Variants in ALPK1 observed in about 807,000 individuals in gnomAD.
ALPK1 encodes the protein alpha-protein kinase 1.
A neutral mutation model predicts 120.6 loss-of-function variants in ALPK1; 110 were observed. The observed-to-expected ratio is 0.91, with a 90% CI of 0.78 to 1.07. The LOEUF (loss-of-function observed/expected upper bound fraction) is 1.07. ALPK1 is among the 50% of genes least tolerant of loss of function. The pLI, the probability that ALPK1 is intolerant of heterozygous loss-of-function variation, is 0.00. For synonymous variants in ALPK1, 582 were observed against 560.3 expected, an observed-to-expected ratio of 1.04 and a Z score of -0.55; for missense variants, 1,498 against 1,483.9, an observed-to-expected ratio of 1.01 and a Z score of -0.16.
chr4:112,346,862 G>A (rs1730125346), intron 2 of ALPK1, among the ~76,000 whole-genome samples: 1 of 152,172 alleles, frequency 6.6e-6, no homozygotes, highest in African/African-American at 2.4e-5. Flanking sequence ...AATGTTTATT[G>A]TAATGGGAAG....
intron 10 of ALPK1, among the ~76,000 whole-genome samples, chr4:112,430,013 G>A (rs899750027): frequency 4.6e-5 from 7 of 152,134 alleles, no homozygotes; most frequent in Non-Finnish European, 1.0e-4. Context: ...ATGCACAGAT[G>A]CATTCGGAAA....
At chr4:112,359,608 C>T (rs1246425281) in intron 2 of ALPK1, 3 of 246,284 alleles carry the variant, frequency 1.2e-5, no homozygotes, top group Middle Eastern at 4.9e-4. Context: ...TGCAAGAAGC[C>T]TGGGAAGACC....
intron 4 of ALPK1, among the ~76,000 whole-genome samples, chr4:112,387,654 G>T (rs1440700763): frequency 6.6e-6 from 1 of 152,164 alleles, no homozygotes; most frequent in Non-Finnish European, 1.5e-5. Flanking sequence ...TGTCTGTGGT[G>T]CCCTGGAGTG....
chr4:112,434,507 G>A lies in ALPK1; in HGVS notation c.3035-641G>A, dbSNP rs535681131. ...GCACTCCTTCCTTAGGATTCATGTG[G>A]GTGTTTCTCCTCAAAGAGATGCTTT... On this transcript the variant is annotated intron_variant, in intron 11 of 15. Transcript: ENST00000650871. 3.9e-5 allele frequency among the ~76,000 whole-genome samples: 6 copies of A among 152,264 alleles called. No individual in the cohort carries two copies. The East Asian group carries it at 1.2e-3, about 29-fold the overall frequency.
At chr4:112,364,870 G>A (rs926305665) in intron 2 of ALPK1, among the ~76,000 whole-genome samples, 1 of 152,142 alleles carries the variant, frequency 6.6e-6, no homozygotes, top group Admixed American at 6.5e-5. Flanking sequence ...GATCAGGTGG[G>A]TTTCATACCA....
At chr4:112,350,312 T>A (rs1560648196) in intron 2 of ALPK1, among the ~76,000 whole-genome samples, 1 of 152,226 alleles carries the variant, frequency 6.6e-6, no homozygotes, top group Non-Finnish European at 1.5e-5. Context: ...CGATCCTTAA[T>A]CCGCACATTT....
rs558075908 is a variant in ALPK1 at position 112,353,742 on chromosome 4, G to A, written c.-100-23936G>A. 4.5e-4 allele frequency among the ~76,000 whole-genome samples: 69 copies of A among 152,208 alleles called. 1 individual carries two copies. Among genetic ancestry groups the A allele is most frequent in the African/African-American group, 1.7e-3 (69 of 41,524 alleles). ...AACTTAGCCAGGTGTGGCAGTGCAG[G>A]CCTGTAATCCCAGCTACTTGGGAAG... is the stretch of plus-strand genomic sequence containing the variant. On this transcript the variant is annotated intron_variant, in intron 2 of 15. Coordinates refer to ENST00000650871, the MANE Select transcript of ALPK1 (RefSeq NM_025144.4).
intron 5 of ALPK1, among the ~76,000 whole-genome samples, chr4:112,419,690 A>G (rs1733904397): frequency 6.6e-6 from 1 of 152,222 alleles, no homozygotes. Flanking sequence ...AGAAAATTGT[A>G]TCCTGCATGG....
At chr4:112,334,046 A>T (rs748492176) in intron 2 of ALPK1, among the ~76,000 whole-genome samples, 7 of 152,108 alleles carry the variant, frequency 4.6e-5, no homozygotes, top group Non-Finnish European at 7.3e-5. Flanking sequence ...TTACAAATGT[A>T]TAGTACTGTG....
chr4:112,347,975 A>T (rs1291563815), intron 2 of ALPK1, among the ~76,000 whole-genome samples: 1 of 152,228 alleles, frequency 6.6e-6, no homozygotes, highest in East Asian at 1.9e-4. Context: ...ATTAACACTA[A>T]GTCTCAGATC....
intron 11 of ALPK1, among the ~76,000 whole-genome samples, chr4:112,433,341 G>A (rs1404596873): frequency 6.6e-6 from 1 of 152,118 alleles, no homozygotes; most frequent in Non-Finnish European, 1.5e-5. Context: ...AAGGGGGAAG[G>A]GTTTCTCTGG....
intron 4 of ALPK1, among the ~76,000 whole-genome samples, chr4:112,387,056 G>A (rs1732184734): frequency 1.3e-5 from 2 of 152,164 alleles, no homozygotes; most frequent in Admixed American, 6.5e-5. Context: ...TTTTCAAAAA[G>A]TATTGAAGGC....
At chr4:112,310,614 G>A (rs535457074) in intron 1 of ALPK1, among the ~76,000 whole-genome samples, 2 of 152,052 alleles carry the variant, frequency 1.3e-5, no homozygotes, top group African/African-American at 4.8e-5. Context: ...TGCAGTACAG[G>A]ATGCTTTTAA....
intron 12 of ALPK1, among the ~76,000 whole-genome samples, chr4:112,438,210 A>C (rs1734870239): frequency 6.6e-6 from 1 of 152,162 alleles, no homozygotes; most frequent in Admixed American, 6.6e-5. Context: ...CCCTTGTCTT[A>C]CCAGAGGTCT....
At chr4:112,373,356 C>G (rs923589144) in intron 2 of ALPK1, among the ~76,000 whole-genome samples, 11 of 152,322 alleles carry the variant, frequency 7.2e-5, no homozygotes, top group African/African-American at 2.6e-4. Context: ...GCAGCCTTTA[C>G]TGCTCAGTTC....
Position 112,377,745 on chromosome 4 carries a change from A to G in ALPK1, c.-33A>G. 1 of 1,590,926 alleles carries G rather than the reference A, an allele frequency of 6.3e-7. No individual in the cohort carries two copies. The highest frequency in any genetic ancestry group is 8.6e-7 in the Non-Finnish European group (1 of 1,164,112). On this transcript the variant is annotated 5_prime_UTR_variant, in exon 3 of 16. Coordinates refer to ENST00000650871, the MANE Select transcript of ALPK1 (RefSeq NM_025144.4). Reference sequence around the variant, plus strand: ...CTTCTCCTAGGTAATTGATCACCCTAGACCCAGGGACACCCAATTCATCGT... The same window carrying G: ...CTTCTCCTAGGTAATTGATCACCCTGGACCCAGGGACACCCAATTCATCGT...
rs1578570985 is a variant in ALPK1 at position 112,431,830 on chromosome 4, G to A, written c.2283G>A (p.Gln761=). 1.2e-6 allele frequency: 2 copies of A among 1,614,116 alleles called. No individual in the cohort carries two copies. Among genetic ancestry groups the A allele is most frequent in the Non-Finnish European group, 1.7e-6 (2 of 1,180,016 alleles). Residue 761 remains glutamine (Q), a synonymous_variant, in exon 11 of 16, where the codon CAG becomes CAA. Transcript: ENST00000650871. The part of the protein sequence containing the change: ...PETNCDVKDR[Q]GKEQGEEISE... Reference sequence around the variant, plus strand: ...CCAACTGCGATGTCAAAGACAGGCAGGGGAAAGAGCAGGGAGAAGAAATTA... The same window carrying A: ...CCAACTGCGATGTCAAAGACAGGCAAGGGAAAGAGCAGGGAGAAGAAATTA...
intron 4 of ALPK1, among the ~76,000 whole-genome samples, chr4:112,393,724 C>A (rs1732526141): frequency 6.6e-6 from 1 of 152,202 alleles, no homozygotes; most frequent in Non-Finnish European, 1.5e-5. Context: ...CACATCTTAA[C>A]AATGGAGAGG....
chr4:112,358,811 C>T (rs1053953940), intron 2 of ALPK1: 3 of 819,304 alleles, frequency 3.7e-6, no homozygotes, highest in Non-Finnish European at 4.4e-6. Context: ...AGGAGCTGAG[C>T]CAAGCCAACT....
Sources: gnomAD v4.1 joint callset for allele counts (sites outside exome capture counted in the v4.1 genomes callset) on GRCh38, gnomAD v4.1.1 for gene constraint, MANE v1.5 for transcripts, NCBI Gene and HGNC (gene_info 2026-07-23, HGNC 2026-07-21) for gene names.